RFTN2: variants seen among roughly 807,000 people sequenced by gnomAD.
The protein encoded by RFTN2 is raftlin family member 2.
A neutral mutation model predicts 52.7 loss-of-function variants in RFTN2; 34 were observed. The observed-to-expected ratio is 0.64, with a 90% CI of 0.49 to 0.86. The LOEUF is 0.86. RFTN2 is among the 40% of genes least tolerant of loss of function. The pLI, the probability that RFTN2 is intolerant of heterozygous loss-of-function variation, is 0.00. For missense variants in RFTN2, 536 were observed against 600.1 expected (o/e 0.89, Z 1.12); for synonymous variants, 203 against 217.7 (o/e 0.93, Z 0.59).
chr2:197,670,773 C>T (rs1348341054), intron 1 of RFTN2, among the ~76,000 whole-genome samples: 1 of 152,194 alleles, frequency 6.6e-6, no homozygotes, highest in Non-Finnish European at 1.5e-5. Context: ...ACCTCAAATG[C>T]AACATGACTG....
chr2:197,656,395 A>G (rs1426088347), intron 1 of RFTN2, among the ~76,000 whole-genome samples: 3 of 152,210 alleles, frequency 2.0e-5, no homozygotes, highest in South Asian at 2.1e-4. Flanking sequence ...TATGCCATTT[A>G]CTAAGCATGT....
At chr2:197,645,576 G>C (rs2088736247) in intron 2 of RFTN2, among the ~76,000 whole-genome samples, 1 of 152,120 alleles carries the variant, frequency 6.6e-6, no homozygotes, top group Non-Finnish European at 1.5e-5. Flanking sequence ...TACAATCTAG[G>C]CTGGCAAAAA....
At chr2:197,651,338 G>T (rs2088824069) in intron 1 of RFTN2, among the ~76,000 whole-genome samples, 1 of 152,090 alleles carries the variant, frequency 6.6e-6, no homozygotes, top group Non-Finnish European at 1.5e-5. Context: ...TCATTGTCAG[G>T]CCAGGCGCAG....
intron 1 of RFTN2, among the ~76,000 whole-genome samples, chr2:197,650,115 T>C (rs1170233510): frequency 1.3e-5 from 2 of 151,684 alleles, no homozygotes; most frequent in East Asian, 3.9e-4. Flanking sequence ...TAATATATAT[T>C]AAAATGTATA....
At chr2:197,656,352 C>A (rs1229121449) in intron 1 of RFTN2, among the ~76,000 whole-genome samples, 2 of 152,146 alleles carry the variant, frequency 1.3e-5, no homozygotes, top group Non-Finnish European at 2.9e-5. Flanking sequence ...GCATTAGGCT[C>A]TGGAAGCAAT....
intron 8 of RFTN2, among the ~76,000 whole-genome samples, chr2:197,578,127 G>A (rs768614795): frequency 8.5e-5 from 13 of 152,168 alleles, no homozygotes; most frequent in Admixed American, 1.3e-4. Context: ...GCTCACCAGC[G>A]CTAGGGCCAA....
chr2:197,591,658 G>A (rs13391839), intron 8 of RFTN2, among the ~76,000 whole-genome samples: 15 of 151,866 alleles, frequency 9.9e-5, no homozygotes, highest in East Asian at 1.9e-4. Flanking sequence ...GTGGTGGAGC[G>A]GGGGGGCTCA....
intron 1 of RFTN2, among the ~76,000 whole-genome samples, chr2:197,651,551 G>A (rs576440820): frequency 4.6e-5 from 7 of 152,274 alleles, no homozygotes; most frequent in South Asian, 2.1e-4. Flanking sequence ...CCCGGAAGGC[G>A]GAGGTTGAAG....
rs540059916 is a variant in RFTN2 at position 197,609,645 on chromosome 2, C to T, written c.1154+6231G>A. On this transcript the variant is annotated intron_variant, in intron 7 of 8. Transcript: ENST00000295049. ...GAAGCACTTTAGTTTAATTAGATCC[C>T]GTTTGTCTATTTTGGCTTTTGGTGT... Among the ~76,000 whole-genome samples, 3 of 152,178 alleles carry T rather than the reference C, an allele frequency of 2.0e-5. No individual in the cohort carries two copies. In the South Asian group the frequency reaches 6.2e-4, roughly 32 times the overall value.
intron 7 of RFTN2, among the ~76,000 whole-genome samples, chr2:197,613,148 GA>G (rs1361988813): frequency 6.6e-6 from 1 of 152,110 alleles, no homozygotes; most frequent in African/African-American, 2.4e-5. Context: ...TACATTTTCT[GA>G]AACATCCTGA....
At chr2:197,622,498 G>T (rs1444995060) in intron 5 of RFTN2, among the ~76,000 whole-genome samples, 1 of 152,032 alleles carries the variant, frequency 6.6e-6, no homozygotes, top group Non-Finnish European at 1.5e-5. Context: ...TAGAGGCGGG[G>T]TTTCACCATT....
chr2:197,587,529 C>G (rs548128391), intron 8 of RFTN2, among the ~76,000 whole-genome samples: 2 of 152,004 alleles, frequency 1.3e-5, no homozygotes, highest in African/African-American at 2.4e-5. Context: ...TGTGACCCCC[C>G]ACCCCTGCCC....
rs2087321720 is a variant in RFTN2, at chr2:197,571,754, A to G, written c.*254T>C. On this transcript the variant is annotated 3_prime_UTR_variant, in exon 9 of 9. Coordinates refer to ENST00000295049, the MANE Select transcript of RFTN2 (RefSeq NM_144629.3). The stretch of plus-strand genomic sequence containing the variant: ...AGAAGCTGAAATAGATTATTGTGTA[A>G]TAACCGAATGGAACATCTGTTTAAC... 1 of 496,524 alleles carries G rather than the reference A, an allele frequency of 2.0e-6. No homozygotes were observed. The highest frequency in any genetic ancestry group is 1.9e-5 in the African/African-American group (1 of 51,956). The allele number at this position is 496,524 out of a possible 1,614,324, so 30.8% of individuals were successfully genotyped here. A position where few individuals can be genotyped will look rare whatever the true frequency, so the allele number is the denominator to read the frequency against.
chr2:197,596,344 C>T (rs2087794249), intron 7 of RFTN2, among the ~76,000 whole-genome samples: 1 of 152,100 alleles, frequency 6.6e-6, no homozygotes, highest in Non-Finnish European at 1.5e-5. Context: ...GTAATCTCAC[C>T]AAGCTAACAT....
intron 5 of RFTN2, among the ~76,000 whole-genome samples, chr2:197,626,661 G>T (rs1386366059): frequency 6.1e-5 from 7 of 113,942 alleles, no homozygotes; most frequent in Non-Finnish European, 6.5e-5. Context: ...TTGCACTGTC[G>T]CCTGGGCTAG....
intron 1 of RFTN2, among the ~76,000 whole-genome samples, chr2:197,660,006 A>G (rs1160421835): frequency 6.6e-6 from 1 of 152,222 alleles, no homozygotes; most frequent in Non-Finnish European, 1.5e-5. Context: ...CAAAAATCAT[A>G]TAAGGTAAGT....
chr2:197,628,390 C>T (rs2088404557), intron 5 of RFTN2, among the ~76,000 whole-genome samples: 1 of 152,198 alleles, frequency 6.6e-6, no homozygotes, highest in Non-Finnish European at 1.5e-5. Flanking sequence ...GAGGGAGTCT[C>T]CCTGGGGCTC....
intron 8 of RFTN2, among the ~76,000 whole-genome samples, chr2:197,592,806 A>G (rs1410527517): frequency 6.6e-6 from 1 of 152,252 alleles, no homozygotes; most frequent in Non-Finnish European, 1.5e-5. Flanking sequence ...CAAAATATAT[A>G]TGAGATAGCT....
chr2:197,594,337 AT>A, intron 8 of RFTN2, among the ~76,000 whole-genome samples: 3 of 150,940 alleles, frequency 2.0e-5, no homozygotes, highest in Admixed American at 2.0e-4. Flanking sequence ...TATTTAATTA[AT>A]TTTTTTTGAG....
Sources: allele counts gnomAD v4.1 joint callset (sites outside exome capture counted in the v4.1 genomes callset), GRCh38; gene constraint gnomAD v4.1.1; transcripts MANE v1.5; gene names NCBI Gene and HGNC (gene_info 2026-07-23, HGNC 2026-07-21).